The following MAGI2 variants were observed in gnomAD, a reference collection of about 807,000 sequenced individuals.
MAGI2 encodes membrane associated guanylate kinase, WW and PDZ domain containing 2.
Under a neutral mutation model 133.3 loss-of-function variants are expected in MAGI2, and 35 were observed. That is an observed-to-expected ratio of 0.26 (90% CI 0.20 to 0.35). The LOEUF (loss-of-function observed/expected upper bound fraction) is 0.35. Ranked by LOEUF, MAGI2 falls within the 10% of genes least tolerant of loss-of-function variation. The probability of loss-of-function intolerance (pLI) is 1.00; values close to 1 mark genes in which losing one functional copy is unlikely to be tolerated. For missense variants in MAGI2, 1,636 were observed against 1,863.4 expected (o/e 0.88, Z 2.25); for synonymous variants, 729 against 710.6 (o/e 1.03, Z -0.41).
At chr7:78,586,446 A>G (rs1361225353) in intron 3 of MAGI2, among the ~76,000 whole-genome samples, 1 of 151,758 alleles carries the variant, frequency 6.6e-6, no homozygotes, top group Non-Finnish European at 1.5e-5. Flanking sequence ...CATTTTATAT[A>G]AGAAGAAGAA....
rs756268481 is a variant in MAGI2 at position 78,160,268 on chromosome 7, G to A, written c.2602C>T (p.Pro868Ser). Residue 868 changes from proline (P) to serine (S), a missense_variant, in exon 16 of 22, where the codon CCC (proline) becomes TCC (serine). Around this residue, in one of 5 missense-constraint regions of MAGI2, gnomAD observed 920 missense variants for 1,093.5 expected, o/e 0.84. Coordinates refer to ENST00000354212, the MANE Select transcript of MAGI2 (RefSeq NM_012301.4). ...VRRKVLCGGE[P>S]CPENGRSPGS... ...GGACTTCTCCCGTTCTCTGGGCAGGGCTCCCCTGCAAAATATACCACACAC... is the reference window on the plus strand; with the variant it reads ...GGACTTCTCCCGTTCTCTGGGCAGGACTCCCCTGCAAAATATACCACACAC... 6.3e-7 allele frequency: 1 copy of A among 1,584,136 alleles called. No homozygotes were observed. Among genetic ancestry groups the A allele is most frequent in the Non-Finnish European group, 8.6e-7 (1 of 1,164,284 alleles).
intron 2 of MAGI2, among the ~76,000 whole-genome samples, chr7:78,930,225 G>C (rs1243119339): frequency 1.3e-5 from 2 of 152,106 alleles, no homozygotes; most frequent in African/African-American, 4.8e-5. Context: ...ATACAGCTCA[G>C]TAAGTATTTT....
chr7:78,785,903 G>A (rs569557810), intron 2 of MAGI2, among the ~76,000 whole-genome samples: 1 of 152,280 alleles, frequency 6.6e-6, no homozygotes, highest in African/African-American at 2.4e-5. Flanking sequence ...CACTTCCTTG[G>A]TGAGACTTCA....
chr7:78,471,087 TTA>T (rs1409302979), intron 6 of MAGI2, among the ~76,000 whole-genome samples: 1 of 152,126 alleles, frequency 6.6e-6, no homozygotes, highest in Non-Finnish European at 1.5e-5. Flanking sequence ...AGAGTGCCAA[TTA>T]TATTGTGTTA....
chr7:78,392,697 A>G (rs1400596989), intron 6 of MAGI2, among the ~76,000 whole-genome samples: 2 of 152,196 alleles, frequency 1.3e-5, no homozygotes, highest in African/African-American at 4.8e-5. Flanking sequence ...AGGCTAGAGT[A>G]CAACGGCGCA....
intron 9 of MAGI2, among the ~76,000 whole-genome samples, chr7:78,310,972 A>G (rs973930359): frequency 3.3e-5 from 5 of 152,204 alleles, no homozygotes; most frequent in Non-Finnish European, 7.3e-5. Context: ...TTTGAGTGTG[A>G]TGAGATAACA....
chr7:78,372,426 G>C (rs933782839), intron 6 of MAGI2, among the ~76,000 whole-genome samples: 4 of 152,116 alleles, frequency 2.6e-5, no homozygotes, highest in Non-Finnish European at 5.9e-5. Context: ...CGCACTATTT[G>C]TCCAATCAGG....
intron 2 of MAGI2, among the ~76,000 whole-genome samples, chr7:78,963,364 T>A (rs936939259): frequency 6.6e-6 from 1 of 152,132 alleles, no homozygotes; most frequent in African/African-American, 2.4e-5. Context: ...GATATTTCAA[T>A]TGGAGTAGTA....
At position 78,603,707 on chromosome 7, in the gene MAGI2, G is replaced by A. The variant is rs568608728; in HGVS notation, c.538+23413C>T. 2.0e-5 allele frequency among the ~76,000 whole-genome samples: 3 copies of A among 152,178 alleles called. No individual in the cohort carries two copies. The South Asian group carries it at 6.2e-4, about 32-fold the overall frequency. ...AGGCTAATTTTTTGTATCTTTAGTA[G>A]AGATGGAGTTTCACCATGTTGGCCA... On this transcript the variant is annotated intron_variant, in intron 3 of 21. Transcript: ENST00000354212.
chr7:78,207,221 C>G lies in MAGI2; in HGVS notation c.2048-6028G>C, dbSNP rs189841230. ...TGAACACCCACACAGACCTTTCTAC[C>G]TCTTAAATTATCCTTTTTTATGAAG... On this transcript the variant is annotated intron_variant, in intron 10 of 21. Coordinates refer to ENST00000354212, the MANE Select transcript of MAGI2 (RefSeq NM_012301.4). Among the ~76,000 whole-genome samples the G allele has an allele frequency of 3.3e-5, 4 of 123,076 alleles. No homozygotes were observed. The Admixed American group carries it at 3.4e-4, about 11-fold the overall frequency. 80.7% of individuals were successfully genotyped at this position (123,076 alleles called of 152,430 possible).
chr7:79,150,358 T>C (rs1303288254), intron 1 of MAGI2, among the ~76,000 whole-genome samples: 1 of 152,150 alleles, frequency 6.6e-6, no homozygotes, highest in East Asian at 1.9e-4. Context: ...TTCTTTTTGG[T>C]TTCTTAATGA....
intron 21 of MAGI2, among the ~76,000 whole-genome samples, chr7:78,047,286 T>C (rs35656885): frequency 0.059 from 8,947 of 152,230 alleles, 316 homozygotes; most frequent in South Asian, 0.082. Flanking sequence ...AGATATGTAT[T>C]TGGTCAGCTG....
intron 1 of MAGI2, among the ~76,000 whole-genome samples, chr7:79,068,135 G>A (rs1375369348): frequency 2.0e-5 from 3 of 152,168 alleles, no homozygotes; most frequent in Non-Finnish European, 2.9e-5. Context: ...GAGTTGGGAG[G>A]ATTCCCTCTT....
chr7:78,620,515 CCTT>C (rs1452409318), intron 3 of MAGI2, among the ~76,000 whole-genome samples: 1 of 151,916 alleles, frequency 6.6e-6, no homozygotes, highest in Non-Finnish European at 1.5e-5. Flanking sequence ...GTACAGCACT[CCTT>C]CATGTAGTTA....
At chr7:78,246,313 A>G (rs1229147802) in intron 10 of MAGI2, among the ~76,000 whole-genome samples, 1 of 151,840 alleles carries the variant, frequency 6.6e-6, no homozygotes, top group Non-Finnish European at 1.5e-5. Flanking sequence ...CTGGGAAATG[A>G]TGTCTTGGCC....
intron 6 of MAGI2, among the ~76,000 whole-genome samples, chr7:78,480,542 T>A (rs946870571): frequency 1.3e-5 from 2 of 151,940 alleles, no homozygotes; most frequent in African/African-American, 4.8e-5. Flanking sequence ...TACCATGTCC[T>A]AGTTGGACTT....
At position 78,127,338 on chromosome 7, in the gene MAGI2, G is replaced by C. The variant is rs764406800; in HGVS notation, c.3282C>G (p.Pro1094=). 18 of 1,611,076 alleles carry C rather than the reference G, an allele frequency of 1.1e-5. No individual in the cohort carries two copies. The highest frequency in any genetic ancestry group is 1.5e-5 in the Non-Finnish European group (18 of 1,179,890). Residue 1094 remains proline (P), a synonymous_variant, in exon 19 of 22, where the codon CCC becomes CCG. Coordinates refer to ENST00000354212, the MANE Select transcript of MAGI2 (RefSeq NM_012301.4). ...RQPPFTDYRQ[P]PLDYRQPPGG... ...CTGGGGGTTGCCTGTAATCCAGCGG[G>C]GGCTGCCTGTAGTCTGTGAATGGAG...
chr7:78,116,229 A>G (rs1282093283), intron 20 of MAGI2, among the ~76,000 whole-genome samples: 1 of 152,206 alleles, frequency 6.6e-6, no homozygotes, highest in African/African-American at 2.4e-5. Context: ...CAAAGAAGAA[A>G]TCACAGTGGA....
intron 20 of MAGI2, among the ~76,000 whole-genome samples, chr7:78,099,223 G>A (rs1817986172): frequency 6.6e-6 from 1 of 152,062 alleles, no homozygotes; most frequent in African/African-American, 2.4e-5. Flanking sequence ...TGTTTAAGAG[G>A]TCTTCTTTAG....
Sources: allele counts gnomAD v4.1 joint callset (sites outside exome capture counted in the v4.1 genomes callset), GRCh38; gene constraint gnomAD v4.1.1; regional missense constraint gnomAD v4.1.1; transcripts MANE v1.5; gene names NCBI Gene and HGNC (gene_info 2026-07-23, HGNC 2026-07-21).